The following SLCO3A1 variants were observed in gnomAD, a reference collection of about 807,000 sequenced individuals.
SLCO3A1 encodes PGE1 transporter.
SLCO3A1 carries 27 observed loss-of-function variants against 63.1 expected under a neutral mutation model. That is an observed-to-expected ratio of 0.43 (90% CI 0.32 to 0.59). SLCO3A1 has a LOEUF of 0.59. Among genes scored for constraint, SLCO3A1 ranks in the 20% least tolerant of loss-of-function variants. The pLI is 0.09. For missense variants in SLCO3A1, 773 were observed against 945.8 expected (o/e 0.82, Z 2.40); for synonymous variants, 473 against 409.9 (o/e 1.15, Z -1.86).
At chr15:91,926,596 T>TGTGG in intron 2 of SLCO3A1, among the ~76,000 whole-genome samples, 2 of 105,256 alleles carry the variant, frequency 1.9e-5, no homozygotes, top group Admixed American at 8.8e-5. Context: ...TGTGTGTGTG[T>TGTGG]GCGCGCGCGC....
At chr15:92,150,277 T>C (rs891212167) in intron 8 of SLCO3A1, among the ~76,000 whole-genome samples, 1 of 152,210 alleles carries the variant, frequency 6.6e-6, no homozygotes, top group Non-Finnish European at 1.5e-5. Flanking sequence ...AATTAGATGG[T>C]GCCCACCCAG....
chr15:91,880,146 C>T (rs1374333464), intron 1 of SLCO3A1, among the ~76,000 whole-genome samples: 16 of 147,842 alleles, frequency 1.1e-4, no homozygotes, highest in African/African-American at 3.9e-4. Flanking sequence ...TCCATCCATC[C>T]ATCCATCCAT....
chr15:91,952,354 T>C (rs991360927), intron 2 of SLCO3A1, among the ~76,000 whole-genome samples: 11 of 152,248 alleles, frequency 7.2e-5, no homozygotes, highest in African/African-American at 2.7e-4. Context: ...TAGAATATTA[T>C]GCTCTTGGTC....
intron 2 of SLCO3A1, among the ~76,000 whole-genome samples, chr15:91,976,134 G>A (rs1205940911): frequency 6.6e-6 from 1 of 152,138 alleles, no homozygotes; most frequent in Non-Finnish European, 1.5e-5. Context: ...TCCACAGCCT[G>A]GGCTAGAAAG....
intron 1 of SLCO3A1, among the ~76,000 whole-genome samples, chr15:91,904,788 A>G (rs899129230): frequency 5.3e-5 from 8 of 152,208 alleles, no homozygotes; most frequent in Non-Finnish European, 1.2e-4. Context: ...TGTTTATTCC[A>G]TACCTGCATG....
At chr15:91,986,962 G>C (rs533579742) in intron 2 of SLCO3A1, among the ~76,000 whole-genome samples, 4 of 152,282 alleles carry the variant, frequency 2.6e-5, no homozygotes, top group African/African-American at 9.6e-5. Context: ...AGGAAGGTTG[G>C]TGGTGGCCAT....
chr15:91,890,607 G>A (rs917287446), intron 1 of SLCO3A1, among the ~76,000 whole-genome samples: 1 of 152,172 alleles, frequency 6.6e-6, no homozygotes, highest in African/African-American at 2.4e-5. Context: ...AGACTTAACT[G>A]GAATTCTGAG....
intron 2 of SLCO3A1, among the ~76,000 whole-genome samples, chr15:92,056,305 A>G (rs2047020788): frequency 6.6e-6 from 1 of 152,184 alleles, no homozygotes; most frequent in Non-Finnish European, 1.5e-5. Context: ...TCCTTGCTGA[A>G]CCATCTGCTC....
At chr15:92,068,892 T>A (rs2047182252) in intron 2 of SLCO3A1, among the ~76,000 whole-genome samples, 1 of 152,206 alleles carries the variant, frequency 6.6e-6, no homozygotes, top group Non-Finnish European at 1.5e-5. Flanking sequence ...TCTCTGTGCC[T>A]CATTCGCCCC....
At chr15:92,137,194 A>T (rs529458275) in intron 7 of SLCO3A1, among the ~76,000 whole-genome samples, 2 of 136,742 alleles carry the variant, frequency 1.5e-5, no homozygotes, top group Non-Finnish European at 3.0e-5. Flanking sequence ...TCATTGTTCA[A>T]TTCCCACCTA....
At chr15:92,046,660 T>C (rs1252292021) in intron 2 of SLCO3A1, among the ~76,000 whole-genome samples, 2 of 152,108 alleles carry the variant, frequency 1.3e-5, no homozygotes, top group African/African-American at 4.8e-5. Context: ...GCCCCTGTAC[T>C]GCATCAGTGT....
intron 2 of SLCO3A1, among the ~76,000 whole-genome samples, chr15:92,027,374 G>A (rs756510667): frequency 6.6e-6 from 1 of 152,170 alleles, no homozygotes; most frequent in Non-Finnish European, 1.5e-5. Context: ...CTTTACATAC[G>A]TTGTCCCACA....
chr15:91,853,873 G>GGCA lies in SLCO3A1; in HGVS notation c.-33_-31dup, dbSNP rs758850577. The GGCA allele has an allele frequency of 1.2e-5, 16 of 1,290,962 alleles. No individual in the cohort carries two copies. Among genetic ancestry groups the GGCA allele is most frequent in the East Asian group, 6.6e-5 (2 of 30,196 alleles). 80.0% of individuals were successfully genotyped at this position (1,290,962 alleles called of 1,614,324 possible). ...CGACACCCGGGGCGAGCGGGAAAGC[G>GGCA]GCAGCGGCGGCGGCGGCGGCGGCGG... On this transcript the variant is annotated 5_prime_UTR_variant, in exon 1 of 10. Transcript: ENST00000318445.
intron 2 of SLCO3A1, among the ~76,000 whole-genome samples, chr15:92,028,847 T>G (rs1567075245): frequency 6.6e-6 from 1 of 151,774 alleles, no homozygotes; most frequent in Non-Finnish European, 1.5e-5. Context: ...TGAGAGTGTT[T>G]TGCTTTTTGC....
chr15:91,902,279 C>T (rs1212094624), intron 1 of SLCO3A1, among the ~76,000 whole-genome samples: 1 of 152,040 alleles, frequency 6.6e-6, no homozygotes, highest in East Asian at 1.9e-4. Flanking sequence ...TCACTGAAAC[C>T]TCAAACTCCT....
chr15:91,923,179 G>A (rs1898904430), intron 2 of SLCO3A1, among the ~76,000 whole-genome samples: 1 of 152,200 alleles, frequency 6.6e-6, no homozygotes, highest in South Asian at 2.1e-4. Flanking sequence ...TTCCATGAAC[G>A]TCAGGTGTCC....
At chr15:92,003,303 C>T (rs952738979) in intron 2 of SLCO3A1, among the ~76,000 whole-genome samples, 2 of 152,232 alleles carry the variant, frequency 1.3e-5, no homozygotes, top group East Asian at 1.9e-4. Flanking sequence ...TGAACACTGA[C>T]TTGCTGAAAT....
chr15:91,875,396 T>G lies in SLCO3A1; in HGVS notation c.180+21308T>G, dbSNP rs892654571. Reference sequence around the variant, plus strand: ...TGATGTTGGCACTGCCTTTCCAGTTTACTCTCTCCACAGGGTAAAAACTGG... The same window carrying G: ...TGATGTTGGCACTGCCTTTCCAGTTGACTCTCTCCACAGGGTAAAAACTGG... On this transcript the variant is annotated intron_variant, in intron 1 of 9. Transcript: ENST00000318445. This position sits in a 1 kb window ranked among gnomAD's most constrained non-coding sequence, Gnocchi z 4.5. Among the ~76,000 whole-genome samples the G allele has an allele frequency of 1.3e-5, 2 of 152,158 alleles. No individual in the cohort carries two copies. The highest frequency in any genetic ancestry group is 1.3e-4 in the Admixed American group (2 of 15,280).
downstream of SLCO3A1, among the ~76,000 whole-genome samples, chr15:92,168,056 GAA>G (rs1247257665): frequency 6.6e-6 from 1 of 152,188 alleles, no homozygotes. Context: ...TGCAAAAGTG[GAA>G]AAGTTTTGGT....
Sources: allele counts gnomAD v4.1 joint callset (sites outside exome capture counted in the v4.1 genomes callset), GRCh38; gene constraint gnomAD v4.1.1; non-coding constraint Gnocchi (gnomAD v3.1); transcripts MANE v1.5; gene names NCBI Gene and HGNC (gene_info 2026-07-23, HGNC 2026-07-21).